The following NTRK1 variants were observed in gnomAD, a reference collection of about 807,000 sequenced individuals.
The protein encoded by NTRK1 is neurotrophic receptor tyrosine kinase 1.
Under a neutral mutation model 86.8 loss-of-function variants are expected in NTRK1, and 62 were observed. The observed-to-expected ratio is 0.71, with a 90% confidence interval of 0.58 to 0.88. The LOEUF is 0.88. Ranked by LOEUF, NTRK1 falls within the 40% of genes least tolerant of loss-of-function variation. NTRK1 has a pLI of 0.00. For missense variants in NTRK1, 967 were observed against 1,078.4 expected (o/e 0.90, Z 1.45); for synonymous variants, 469 against 456.6 (o/e 1.03, Z -0.35).
intron 14 of NTRK1, among the ~76,000 whole-genome samples, chr1:156,877,117 C>A (rs1470112169): frequency 6.6e-6 from 1 of 152,172 alleles, no homozygotes; most frequent in Non-Finnish European, 1.5e-5. Context: ...AATTCCTGGG[C>A]TCAAGCAATT....
At chr1:156,840,870 C>T in intron 1 of NTRK1, 1 of 1,606,872 alleles carries the variant, frequency 6.2e-7, no homozygotes, top group Non-Finnish European at 8.5e-7. Context: ...AATGAGGTGC[C>T]CCTCAGTGCC....
intron 1 of NTRK1, chr1:156,816,151 G>A (rs1653907441): frequency 6.5e-7 from 1 of 1,549,202 alleles, no homozygotes. Flanking sequence ...GTCTGTCTCT[G>A]CCTCCCACCC....
At chr1:156,868,698 G>C (rs1444140536) in intron 6 of NTRK1, 51 bp downstream of exon 6, 2 of 1,545,136 alleles carry the variant, frequency 1.3e-6, no homozygotes, top group Non-Finnish European at 1.7e-6. Context: ...AGAGCACAGG[G>C]GACAAAGATG....
In NTRK1 at chr1:156,873,624, G is replaced by A. The variant is rs2102904632; in HGVS notation, c.851-9G>A. On this transcript the variant is annotated splice_polypyrimidine_tract_variant and intron_variant, in intron 7 of 16. Coordinates refer to ENST00000524377, the MANE Select transcript of NTRK1 (RefSeq NM_002529.4). Reference sequence around the variant, plus strand: ...CTGACCTCCTGCTGTTGCTCTTTCTGGCCCACAGTCCCGGCCAGTGTGCAG... The same window carrying A: ...CTGACCTCCTGCTGTTGCTCTTTCTAGCCCACAGTCCCGGCCAGTGTGCAG... The A allele has an allele frequency of 6.2e-7, 1 of 1,609,582 alleles. No individual in the cohort carries two copies. Among genetic ancestry groups the A allele is most frequent in the East Asian group, 2.2e-5 (1 of 44,840 alleles).
chr1:156,844,878 G>A, intron 2 of NTRK1: 2 of 1,612,452 alleles, frequency 1.2e-6, no homozygotes, highest in South Asian at 2.2e-5. Flanking sequence ...CGGGCCAAAA[G>A]TGGTTCATCT....
rs41512052 is a variant in NTRK1 at position 156,880,269 on chromosome 1, G to A, written c.2205+112G>A. 138 of 1,217,970 alleles carry A rather than the reference G, an allele frequency of 1.1e-4. No homozygotes were observed. The African/African-American group carries it at 1.8e-3, about 16-fold the overall frequency. The allele number at this position is 1,217,970 out of a possible 1,614,324, so 75.4% of individuals were successfully genotyped here. On this transcript the variant is annotated intron_variant, in intron 16 of 16. Transcript: ENST00000524377. The stretch of plus-strand genomic sequence containing the variant: ...CTGCCCCTCTGCCACAGCCTGTTGG[G>A]GGGCCCTTTCCAGCGCCGTGCCCAC...
intron 1 of NTRK1, among the ~76,000 whole-genome samples, chr1:156,818,748 T>C (rs1157331144): frequency 6.6e-6 from 1 of 152,256 alleles, no homozygotes; most frequent in Non-Finnish European, 1.5e-5. Flanking sequence ...GTTGGTTTCA[T>C]ATCTTTGCAA....
At chr1:156,843,296 C>A (rs142931855) in intron 2 of NTRK1, 3 of 1,574,034 alleles carry the variant, frequency 1.9e-6, no homozygotes, top group Non-Finnish European at 2.6e-6. Flanking sequence ...CACCCCCCAA[C>A]TTCTCTTCTC....
chr1:156,834,130 G>A (rs1405094063), intron 1 of NTRK1, among the ~76,000 whole-genome samples: 2 of 152,198 alleles, frequency 1.3e-5, no homozygotes, highest in Non-Finnish European at 2.9e-5. Context: ...TCACACCATA[G>A]CTGTGTATGG....
At chr1:156,867,745 C>A (rs537596218) in intron 4 of NTRK1, among the ~76,000 whole-genome samples, 1 of 151,924 alleles carries the variant, frequency 6.6e-6, no homozygotes, top group African/African-American at 2.4e-5. Flanking sequence ...CTCATCTCGG[C>A]TCACTGCAAG....
intron 2 of NTRK1, chr1:156,845,695 G>A (rs754100052): frequency 6.2e-6 from 10 of 1,613,126 alleles, no homozygotes; most frequent in South Asian, 5.5e-5. Flanking sequence ...TCCAGCGGGG[G>A]CAGAACCTGA....
Position 156,874,910 on chromosome 1 carries a change from C to T in NTRK1, c.1256C>T (p.Ser419Leu), listed in dbSNP as rs765681685. 5.6e-6 allele frequency: 9 copies of T among 1,610,218 alleles called. No homozygotes were observed. The highest frequency in any genetic ancestry group is 3.3e-5 in the Admixed American group (2 of 59,994). ...EKKDETPFGV[S>L]VAVGLAVFAC... ...ACTACCCCTGTCCCCCACCAGGTCT[C>T]GGTGGCTGTGGGCCTGGCCGTCTTT... Residue 419 changes from serine (S) to leucine (L), a missense_variant, in exon 11 of 17, where the codon TCG (serine) becomes TTG (leucine). Physicochemically the swap from Ser to Leu is moderately radical, Grantham distance 145. Around this residue, in one of 2 missense-constraint regions of NTRK1, gnomAD observed 637 missense variants for 776.5 expected, o/e 0.82. Coordinates refer to ENST00000524377, the MANE Select transcript of NTRK1 (RefSeq NM_002529.4).
rs1219220800 is a variant in NTRK1, at chr1:156,876,470, A to C, written c.1703A>C (p.Gln568Pro). 1.2e-6 allele frequency: 2 copies of C among 1,613,816 alleles called. No individual in the cohort carries two copies. Among genetic ancestry groups the C allele is most frequent in the South Asian group, 2.2e-5 (2 of 91,078 alleles). ...QREAELLTML[Q>P]HQHIVRFFGV... Reference sequence around the variant, plus strand: ...GAGGCTGAGCTGCTCACCATGCTGCAGCACCAGCACATCGTGCGCTTCTTC... The same window carrying C: ...GAGGCTGAGCTGCTCACCATGCTGCCGCACCAGCACATCGTGCGCTTCTTC... The change falls in exon 14 of 17, where the codon CAG (glutamine) becomes CCG (proline). Residue 568 changes from glutamine (Q) to proline (P), a missense_variant. By Grantham distance (76) the Gln-to-Pro change is moderately conservative (BLOSUM62 -1). This residue lies in a region of NTRK1 where 637 missense variants were observed against 776.5 expected (regional missense o/e 0.82). Coordinates refer to ENST00000524377, the MANE Select transcript of NTRK1 (RefSeq NM_002529.4).
intron 1 of NTRK1, among the ~76,000 whole-genome samples, chr1:156,833,679 T>G (rs545020279): frequency 5.9e-5 from 9 of 152,370 alleles, no homozygotes; most frequent in Admixed American, 3.3e-4. Flanking sequence ...TTCTTGGCTC[T>G]AAACCCTCCC....
chr1:156,842,936 C>G (rs1267297077), intron 2 of NTRK1: 1 of 1,256,362 alleles, frequency 8.0e-7, no homozygotes. Flanking sequence ...CATCTCTGAC[C>G]CTTTCTTTCT....
Position 156,854,632 on chromosome 1 carries a change from C to T in NTRK1, c.51-9722C>T, listed in dbSNP as rs1466110093. Reference sequence around the variant, plus strand: ...CTCCCAGCGACTTCATTCTTGCAGTCACCCTTAACACCTTTCTTTTTCACC... The same window carrying T: ...CTCCCAGCGACTTCATTCTTGCAGTTACCCTTAACACCTTTCTTTTTCACC... On this transcript the variant is annotated intron_variant, in intron 2 of 16. Transcript: ENST00000392302. The surrounding 1 kb of genome is among the most constrained non-coding windows in gnomAD (Gnocchi z 4.2). Among the ~76,000 whole-genome samples, 1 of 152,234 alleles carries T rather than the reference C, an allele frequency of 6.6e-6. No individual in the cohort carries two copies. Among genetic ancestry groups the T allele is most frequent in the Non-Finnish European group, 1.5e-5 (1 of 68,040 alleles).
chr1:156,833,427 T>C (rs1037183176), intron 1 of NTRK1, among the ~76,000 whole-genome samples: 4 of 152,190 alleles, frequency 2.6e-5, no homozygotes, highest in African/African-American at 9.6e-5. Flanking sequence ...CATGGTGGCA[T>C]ACCCCTATAA....
intron 2 of NTRK1, chr1:156,851,756 G>A (rs1223696020): frequency 1.2e-6 from 2 of 1,613,538 alleles, no homozygotes; most frequent in Admixed American, 1.7e-5. Flanking sequence ...GCACTCTTTA[G>A]GGCACAGCCC....
At chr1:156,858,433 C>T (rs1435139654), upstream of NTRK1, 3 of 834,964 alleles carry the variant, frequency 3.6e-6, no homozygotes, top group Non-Finnish European at 6.3e-6. Context: ...CCCCATGTTC[C>T]AGTGCAGAGT....
Sources: allele counts gnomAD v4.1 joint callset (sites outside exome capture counted in the v4.1 genomes callset), GRCh38; gene constraint gnomAD v4.1.1; regional missense constraint gnomAD v4.1.1; non-coding constraint Gnocchi (gnomAD v3.1); transcripts MANE v1.5; gene names NCBI Gene and HGNC (gene_info 2026-07-23, HGNC 2026-07-21).